PCDHGB1: variants seen among roughly 807,000 people sequenced by gnomAD.
PCDHGB1 encodes the protein protocadherin gamma-B1.
A neutral mutation model predicts 56.6 loss-of-function variants in PCDHGB1; 34 were observed. The ratio of observed to expected loss-of-function variants is 0.60; its 90% CI spans 0.46 to 0.80. PCDHGB1 has a LOEUF of 0.80. Ranked by LOEUF, PCDHGB1 falls within the 30% of genes least tolerant of loss-of-function variation. The probability of loss-of-function intolerance (pLI) is 0.00; values close to 1 mark genes in which losing one functional copy is unlikely to be tolerated. For synonymous variants in PCDHGB1, 561 were observed against 505.9 expected, an observed-to-expected ratio of 1.11 and a Z score of -1.46; for missense variants, 1,278 against 1,204.6, an observed-to-expected ratio of 1.06 and a Z score of -0.90.
At chr5:141,381,949 C>T (rs897929706) in intron 1 of PCDHGB1, among the ~76,000 whole-genome samples, 2 of 150,880 alleles carry the variant, frequency 1.3e-5, no homozygotes, top group Non-Finnish European at 2.9e-5. Context: ...CCTGCCTCAG[C>T]CTCCTGAGTA....
chr5:141,431,111 G>A lies in PCDHGB1; in HGVS notation c.2410-63696G>A, dbSNP rs2097343539. The A allele has an allele frequency of 1.9e-6, 3 of 1,614,110 alleles. No individual in the cohort carries two copies. Among genetic ancestry groups the A allele is most frequent in the Non-Finnish European group, 2.5e-6 (3 of 1,180,034 alleles). On this transcript the variant is annotated intron_variant, in intron 1 of 3. Coordinates refer to ENST00000523390, the MANE Select transcript of PCDHGB1 (RefSeq NM_018922.3). This position sits in a 1 kb window ranked among gnomAD's most constrained non-coding sequence, Gnocchi z 4.8. ...GATGGAGGATAAAGTGAAAATATAT[G>A]GAGTAGAAGTAGAAGTAAGGGACAT...
At chr5:141,413,066 A>T in intron 1 of PCDHGB1, 2 of 1,161,944 alleles carry the variant, frequency 1.7e-6, no homozygotes, top group Non-Finnish European at 2.4e-6. Flanking sequence ...TCCAGAATTT[A>T]AAGTGCCCAG....
Position 141,491,730 on chromosome 5 carries a change from C to A in PCDHGB1, c.2410-3077C>A, listed in dbSNP as rs1346666614. ...GGGGCTCGGCGCCGCCCCGGGCGAC[C>A]CCTGGGGGCGGCACTGGAGAAGCCG... On this transcript the variant is annotated intron_variant, in intron 1 of 3. Coordinates refer to ENST00000523390, the MANE Select transcript of PCDHGB1 (RefSeq NM_018922.3). This position sits in a 1 kb window ranked among gnomAD's most constrained non-coding sequence, Gnocchi z 6.9. 3.1e-6 allele frequency: 5 copies of A among 1,603,920 alleles called. No individual in the cohort carries two copies. The East Asian group carries it at 6.7e-5, about 22-fold the overall frequency.
intron 1 of PCDHGB1, chr5:141,391,427 A>G (rs1374909206): frequency 1.3e-5 from 2 of 151,516 alleles, no homozygotes; most frequent in Non-Finnish European, 2.9e-5. Flanking sequence ...TTCCTTCTGC[A>G]TCAGCCTCCT....
At chr5:141,428,551 G>A (rs1192248816) in intron 1 of PCDHGB1, 1 of 254,070 alleles carries the variant, frequency 3.9e-6, no homozygotes, top group Non-Finnish European at 7.8e-6. Flanking sequence ...ACCAGAAACA[G>A]TCCCCCCACA....
At chr5:141,364,583 G>A in intron 1 of PCDHGB1, 2 of 1,614,216 alleles carry the variant, frequency 1.2e-6, no homozygotes. Context: ...CGGCAGCTTG[G>A]TCACCGCGGG....
At position 141,432,203 on chromosome 5, in the gene PCDHGB1, G is replaced by A. The variant is rs1282888078; in HGVS notation, c.2410-62604G>A. The A allele has an allele frequency of 3.1e-6, 5 of 1,614,062 alleles. No homozygotes were observed. The highest frequency in any genetic ancestry group is 1.3e-5 in the African/African-American group (1 of 74,920). ...TGTGACCGCCCACGACCCCGACTGT[G>A]AAGAGAACGCCCAGATCACTTATTC... On this transcript the variant is annotated intron_variant, in intron 1 of 3. Transcript: ENST00000523390. The surrounding 1 kb of genome is among the most constrained non-coding windows in gnomAD (Gnocchi z 6.0).
At chr5:141,372,937 GGGTGTCTAGGA>G (rs538849819) in intron 1 of PCDHGB1, 1 of 831,292 alleles carries the variant, frequency 1.2e-6, no homozygotes, top group East Asian at 2.7e-5. Flanking sequence ...GTGTAGAGTA[GGGTGTCTAGGA>G]AATTCTTTGT....
intron 1 of PCDHGB1, among the ~76,000 whole-genome samples, chr5:141,455,130 A>G (rs1446894125): frequency 6.6e-6 from 1 of 150,872 alleles, no homozygotes; most frequent in South Asian, 2.1e-4. Flanking sequence ...GTTTTAAATT[A>G]CACTGTGTTA....
At chr5:141,415,083 G>T (rs747351388) in intron 1 of PCDHGB1, 1 of 1,613,514 alleles carries the variant, frequency 6.2e-7, no homozygotes. Context: ...CGCGAGCCCT[G>T]CTGGACAGAG....
At chr5:141,409,520 T>TTG (rs767613304) in intron 1 of PCDHGB1, 2 of 1,613,966 alleles carry the variant, frequency 1.2e-6, no homozygotes, top group East Asian at 4.5e-5. Flanking sequence ...AAGCATCACC[T>TTG]TGTATGTCGC....
At chr5:141,445,558 G>A (rs1172697298) in intron 1 of PCDHGB1, among the ~76,000 whole-genome samples, 1 of 152,172 alleles carries the variant, frequency 6.6e-6, no homozygotes, top group Non-Finnish European at 1.5e-5. Flanking sequence ...AAAGCACTAA[G>A]AGAAAGCTTA....
At chr5:141,363,387 G>A (rs1302149411) in intron 1 of PCDHGB1, among the ~76,000 whole-genome samples, 2 of 151,916 alleles carry the variant, frequency 1.3e-5, no homozygotes, top group African/African-American at 4.8e-5. Flanking sequence ...TTCTATTTCT[G>A]TTGTCATATA....
rs1457243337 is a variant in PCDHGB1 at position 141,493,567 on chromosome 5, C to T, written c.2410-1240C>T. Reference sequence around the variant, plus strand: ...TTTGGAGATTGAGTTCCCCCAGCTCCGTTTCCTCCTATCACAATCACTGCA... The same window carrying T: ...TTTGGAGATTGAGTTCCCCCAGCTCTGTTTCCTCCTATCACAATCACTGCA... On this transcript the variant is annotated intron_variant, in intron 1 of 3. Transcript: ENST00000523390. This position sits in a 1 kb window ranked among gnomAD's most constrained non-coding sequence, Gnocchi z 4.3. Among the ~76,000 whole-genome samples, 3 of 152,266 alleles carry T rather than the reference C, an allele frequency of 2.0e-5. No individual in the cohort carries two copies. The highest frequency in any genetic ancestry group is 4.4e-5 in the Non-Finnish European group (3 of 68,018).
chr5:141,408,878 G>A lies in PCDHGB1; in HGVS notation c.2409+56209G>A. The stretch of plus-strand genomic sequence containing the variant: ...AGGGGACCCACCAAGAAGTGCCACC[G>A]CTCACATAGAAATTTCTGTCAAGGA... On this transcript the variant is annotated intron_variant, in intron 1 of 3. Coordinates refer to ENST00000523390, the MANE Select transcript of PCDHGB1 (RefSeq NM_018922.3). 1.9e-6 allele frequency: 3 copies of A among 1,613,048 alleles called. No homozygotes were observed. Among genetic ancestry groups the A allele is most frequent in the Non-Finnish European group, 1.7e-6 (2 of 1,179,590 alleles).
intron 1 of PCDHGB1, chr5:141,357,600 A>G (rs1397548733): frequency 6.2e-7 from 1 of 1,613,990 alleles, no homozygotes; most frequent in African/African-American, 1.3e-5. Context: ...TACTTGAAAC[A>G]AAAGGAGACC....
chr5:141,489,293 T>G lies in PCDHGB1; in HGVS notation c.2410-5514T>G. The G allele has an allele frequency of 6.3e-7, 1 of 1,579,940 alleles. No homozygotes were observed. Among genetic ancestry groups the G allele is most frequent in the Non-Finnish European group, 8.6e-7 (1 of 1,162,928 alleles). ...GCTGGGAAATGGCAAGTGCTGTGCA[T>G]GTTGTCCTTGTGCTGCTGGGGCTGG... On this transcript the variant is annotated intron_variant, in intron 1 of 3. Transcript: ENST00000523390. This position sits in a 1 kb window ranked among gnomAD's most constrained non-coding sequence, Gnocchi z 4.5.
intron 1 of PCDHGB1, chr5:141,393,681 C>G (rs2092820491): frequency 1.2e-6 from 2 of 1,613,772 alleles, no homozygotes; most frequent in Non-Finnish European, 1.7e-6. Context: ...AAAACAAACT[C>G]CGTTATTCCA....
rs545544226 is a variant in PCDHGB1, at chr5:141,376,066, C to T, written c.2409+23397C>T. 2.3e-5 allele frequency: 37 copies of T among 1,613,396 alleles called. 2 individuals are homozygous for T. The South Asian group carries it at 3.6e-4, about 16-fold the overall frequency. ...CTCTCTCCGCCACTGTCACGCTCACCGTGGCCGTGGCCGACAGGATCCCCG... is the reference window on the plus strand; with the variant it reads ...CTCTCTCCGCCACTGTCACGCTCACTGTGGCCGTGGCCGACAGGATCCCCG... On this transcript the variant is annotated intron_variant, in intron 1 of 3. Transcript: ENST00000523390.
Sources: allele counts gnomAD v4.1 joint callset (sites outside exome capture counted in the v4.1 genomes callset), GRCh38; gene constraint gnomAD v4.1.1; non-coding constraint Gnocchi (gnomAD v3.1); transcripts MANE v1.5; gene names NCBI Gene and HGNC (gene_info 2026-07-23, HGNC 2026-07-21).